The following TRPC4 variants were observed in gnomAD, a reference collection of about 807,000 sequenced individuals.
The protein encoded by TRPC4 is transient receptor potential cation channel subfamily C member 4.
Under a neutral mutation model 99.4 loss-of-function variants are expected in TRPC4, and 49 were observed. The observed-to-expected ratio is 0.49, with a 90% confidence interval of 0.39 to 0.63. The LOEUF is 0.63. Among genes scored for constraint, TRPC4 ranks in the 20% least tolerant of loss-of-function variants. The pLI, the probability that TRPC4 is intolerant of heterozygous loss-of-function variation, is 0.00. For missense variants in TRPC4, 898 were observed against 1,152.9 expected (o/e 0.78, Z 3.20); for synonymous variants, 454 against 425.9 (o/e 1.07, Z -0.81).
intron 2 of TRPC4, among the ~76,000 whole-genome samples, chr13:37,757,641 A>AACAC (rs145156899): frequency 1.3e-5 from 2 of 150,482 alleles, no homozygotes; most frequent in African/African-American, 2.4e-5. Flanking sequence ...AATAAATCAC[A>AACAC]ACACACACAC....
chr13:37,727,153 G>A (rs1955092269), intron 3 of TRPC4, among the ~76,000 whole-genome samples: 1 of 151,970 alleles, frequency 6.6e-6, no homozygotes, highest in Non-Finnish European at 1.5e-5. Context: ...GTGAACATGG[G>A]ACATTTTCAG....
rs749793317 is a variant in TRPC4, at chr13:37,637,393, T to C, written c.2444A>G (p.His815Arg). 57 of 1,613,598 alleles carry C rather than the reference T, an allele frequency of 3.5e-5. No individual in the cohort carries two copies. Among genetic ancestry groups the C allele is most frequent in the Admixed American group, 1.3e-4 (8 of 59,854 alleles). ...PRSAAIASER[H>R]NISNGSALVV... ...CAGGGCAGAGCCATTGCTTATGTTA[T>C]GTCTTTCAGAGGCAATTGCTGCTGA... Residue 815 changes from histidine to arginine, a missense_variant, in exon 11 of 11, where the codon CAT (histidine) becomes CGT (arginine). This residue lies in a region of TRPC4 where 346 missense variants were observed against 351.4 expected (regional missense o/e 0.98). Transcript: ENST00000379705.
At chr13:37,775,081 C>G (rs1259602453) in intron 2 of TRPC4, among the ~76,000 whole-genome samples, 1 of 151,662 alleles carries the variant, frequency 6.6e-6, no homozygotes, top group Admixed American at 6.6e-5. Context: ...CCCACAAAAT[C>G]TTTTCGACAA....
intron 1 of TRPC4, among the ~76,000 whole-genome samples, chr13:37,815,794 C>T (rs1355681663): frequency 6.6e-6 from 1 of 151,724 alleles, no homozygotes; most frequent in Non-Finnish European, 1.5e-5. Context: ...AACTTTCTAC[C>T]CTAAAACAAA....
chr13:37,655,232 A>G lies in TRPC4; in HGVS notation c.1740T>C (p.Asn580=), dbSNP rs149228851. 2.5e-5 allele frequency: 40 copies of G among 1,607,956 alleles called. No individual in the cohort carries two copies. In the African/African-American group the frequency reaches 4.6e-4, roughly 18 times the overall value. ...GTGCTTTGACATTGGTCACATATAA[A>G]TTGATGAGCCCAAATATTGACCAAA... ...SLFWSIFGLI[N]LYVTNVKAQH... is the part of the protein sequence containing the mutation. Residue 580 remains asparagine, a synonymous_variant, in exon 7 of 11, where the codon AAT becomes AAC. Coordinates refer to ENST00000379705, the MANE Select transcript of TRPC4 (RefSeq NM_016179.4).
At chr13:37,794,775 A>G (rs1957205566) in intron 1 of TRPC4, among the ~76,000 whole-genome samples, 1 of 152,082 alleles carries the variant, frequency 6.6e-6, no homozygotes, top group Admixed American at 6.6e-5. Flanking sequence ...AAAAAGTACT[A>G]TTGTTCTGCT....
In TRPC4 at chr13:37,634,998, T is replaced by C. The variant is rs1307554732; in HGVS notation, c.*1905A>G. 6.6e-6 allele frequency among the ~76,000 whole-genome samples: 1 copy of C among 152,062 alleles called. No homozygotes were observed. The highest frequency in any genetic ancestry group is 2.4e-5 in the African/African-American group (1 of 41,438). On this transcript the variant is annotated 3_prime_UTR_variant, in exon 11 of 11. Coordinates refer to ENST00000379705, the MANE Select transcript of TRPC4 (RefSeq NM_016179.4). ...CTCCTGGCTTTTCTGAAAATTAAAA[T>C]CTAGTATTTCAAATTGAGTTCTGAG...
At chr13:37,738,125 G>C (rs964547306) in intron 3 of TRPC4, among the ~76,000 whole-genome samples, 10 of 152,060 alleles carry the variant, frequency 6.6e-5, no homozygotes, top group South Asian at 2.1e-4. Flanking sequence ...TTTGAAGATA[G>C]GGGAAATAAA....
At chr13:37,846,989 G>C (rs946836091) in intron 1 of TRPC4, among the ~76,000 whole-genome samples, 4 of 151,952 alleles carry the variant, frequency 2.6e-5, no homozygotes, top group Non-Finnish European at 5.9e-5. Flanking sequence ...TAAAGGAATT[G>C]ATTCACCAAG....
chr13:37,688,309 C>G (rs1391278979), intron 4 of TRPC4, among the ~76,000 whole-genome samples: 1 of 152,148 alleles, frequency 6.6e-6, no homozygotes, highest in African/African-American at 2.4e-5. Context: ...CAATGTTGAA[C>G]TTCAACAAGA....
intron 4 of TRPC4, among the ~76,000 whole-genome samples, chr13:37,685,909 T>C (rs1159728007): frequency 7.0e-6 from 1 of 143,458 alleles, no homozygotes; most frequent in South Asian, 2.1e-4. Flanking sequence ...ATGAAGATGA[T>C]GTTAAAATAT....
chr13:37,806,296 T>G (rs772081868), intron 1 of TRPC4, among the ~76,000 whole-genome samples: 1 of 152,088 alleles, frequency 6.6e-6, no homozygotes, highest in Non-Finnish European at 1.5e-5. Flanking sequence ...TCATCTTTGA[T>G]ACATCGAACT....
chr13:37,732,279 AAGACCC>A (rs1187625076), intron 3 of TRPC4, among the ~76,000 whole-genome samples: 1 of 152,166 alleles, frequency 6.6e-6, no homozygotes, highest in Non-Finnish European at 1.5e-5. Context: ...GAAATTTATT[AAGACCC>A]AGTTTTAACA....
Position 37,675,953 on chromosome 13 carries a change from T to C in TRPC4, c.1235-1586A>G, listed in dbSNP as rs895102284. 3.9e-5 allele frequency among the ~76,000 whole-genome samples: 6 copies of C among 152,146 alleles called. No homozygotes were observed. In the South Asian group the frequency reaches 1.0e-3, roughly 26 times the overall value. On this transcript the variant is annotated intron_variant, in intron 4 of 10. Coordinates refer to ENST00000379705, the MANE Select transcript of TRPC4 (RefSeq NM_016179.4). ...AAAGCTGTAGGTGGAGAAGGAACAC[T>C]GAGAATAATCTTCTTTTCCACCCTA...
At chr13:37,703,188 C>G (rs1419742599) in intron 3 of TRPC4, among the ~76,000 whole-genome samples, 1 of 152,144 alleles carries the variant, frequency 6.6e-6, no homozygotes, top group African/African-American at 2.4e-5. Flanking sequence ...CATCACGTTC[C>G]TAAGGTTGAA....
intron 1 of TRPC4, among the ~76,000 whole-genome samples, chr13:37,792,294 A>G (rs1197328281): frequency 5.9e-5 from 9 of 152,162 alleles, no homozygotes; most frequent in Non-Finnish European, 1.0e-4. Context: ...TGTTTTTACT[A>G]GTGCTCTGAT....
intron 3 of TRPC4, among the ~76,000 whole-genome samples, chr13:37,709,384 A>G (rs1463474334): frequency 6.6e-6 from 1 of 152,034 alleles, no homozygotes; most frequent in Non-Finnish European, 1.5e-5. Context: ...ATTTTGCTGT[A>G]ATAGTGAAGA....
chr13:37,686,329 T>C (rs1015006855), intron 4 of TRPC4, among the ~76,000 whole-genome samples: 1 of 152,100 alleles, frequency 6.6e-6, no homozygotes, highest in Non-Finnish European at 1.5e-5. Flanking sequence ...TACATACATA[T>C]ATATGTATGT....
intron 2 of TRPC4, among the ~76,000 whole-genome samples, chr13:37,752,788 C>A (rs1025216897): frequency 2.6e-5 from 4 of 151,728 alleles, no homozygotes; most frequent in Admixed American, 2.0e-4. Context: ...CGCAGGTGCT[C>A]AAACAAACAA....
Sources: gnomAD v4.1 joint callset for allele counts (sites outside exome capture counted in the v4.1 genomes callset) on GRCh38, gnomAD v4.1.1 for gene constraint, gnomAD v4.1.1 regional missense constraint, MANE v1.5 for transcripts, NCBI Gene and HGNC (gene_info 2026-07-23, HGNC 2026-07-21) for gene names.